ACOT1: variants seen among roughly 807,000 people sequenced by gnomAD.
ACOT1 encodes the protein acyl-CoA thioesterase 1.
ACOT1 carries 8 observed loss-of-function variants against 15.7 expected under a neutral mutation model. The ratio of observed to expected loss-of-function variants is 0.51; its 90% confidence interval spans 0.30 to 0.92. The LOEUF (loss-of-function observed/expected upper bound fraction) is 0.92. Among genes scored for constraint, ACOT1 ranks in the 40% least tolerant of loss-of-function variants. The pLI is 0.06. For missense variants in ACOT1, 151 were observed against 539.4 expected (o/e 0.28, Z 7.13); for synonymous variants, 67 against 241.2 (o/e 0.28, Z 6.69).
the ACOT1 span, among the ~76,000 whole-genome samples, chr14:73,517,677 A>AG: frequency 6.7e-5 from 10 of 150,122 alleles, no homozygotes; most frequent in Non-Finnish European, 1.5e-4. Context: ...AAAAAAAAAA[A>AG]AAAAGAAGAA....
At chr14:73,509,484 AAGAGCC>A in the ACOT1 span, 1 of 1,613,414 alleles carries the variant, frequency 6.2e-7, no homozygotes, top group Non-Finnish European at 8.5e-7. Flanking sequence ...CTGTGATCAA[AAGAGCC>A]AGGTAAGAGA....
chr14:73,501,569 CTTT>C, the ACOT1 span, among the ~76,000 whole-genome samples: 7 of 108,156 alleles, frequency 6.5e-5, no homozygotes, highest in Non-Finnish European at 5.7e-5. Flanking sequence ...GTCTCTCTCT[CTTT>C]TTTTTTTTTT....
At chr14:73,526,254 G>T in the ACOT1 span, among the ~76,000 whole-genome samples, 18 of 152,196 alleles carry the variant, frequency 1.2e-4, no homozygotes, top group Non-Finnish European at 2.2e-4. Flanking sequence ...TCAGCTCTGG[G>T]CCAGAGGAGA....
At chr14:73,491,204 T>G in the ACOT1 span, 10 of 1,594,784 alleles carry the variant, frequency 6.3e-6, no homozygotes, top group Non-Finnish European at 8.5e-6. Flanking sequence ...TAGCGAGAAC[T>G]CGGAGGAATC....
the ACOT1 span, chr14:73,496,596 T>C: frequency 2.3e-5 from 37 of 1,580,000 alleles, no homozygotes; most frequent in Admixed American, 5.0e-5. Context: ...CTTGCACTTA[T>C]TTACCCTGTT....
At chr14:73,511,516 C>A in the ACOT1 span, among the ~76,000 whole-genome samples, 1 of 139,966 alleles carries the variant, frequency 7.1e-6, no homozygotes, top group African/African-American at 2.6e-5. Flanking sequence ...AAGACTCTGT[C>A]TCAAAAATAA....
chr14:73,522,897 T>C, the ACOT1 span: 7 of 1,614,072 alleles, frequency 4.3e-6, no homozygotes, highest in African/African-American at 9.3e-5. Context: ...CTATAAGGAA[T>C]GCTGGGCAGG....
the ACOT1 span, chr14:73,496,645 CTAAGT>C: frequency 6.3e-7 from 1 of 1,599,240 alleles, no homozygotes; most frequent in Non-Finnish European, 8.6e-7. Flanking sequence ...CCTTCATTTC[CTAAGT>C]TGAGTATCTT....
the ACOT1 span, chr14:73,521,054 G>A: frequency 3.1e-6 from 5 of 1,608,448 alleles, no homozygotes; most frequent in South Asian, 3.3e-5. Flanking sequence ...GCAGGGGTGA[G>A]AAAGGAGGGA....
At chr14:73,507,497 G>A in the ACOT1 span, among the ~76,000 whole-genome samples, 1 of 152,128 alleles carries the variant, frequency 6.6e-6, no homozygotes, top group South Asian at 2.1e-4. Context: ...ACAGTGGTGT[G>A]ATCTCAGCTC....
the ACOT1 span, chr14:73,514,063 A>C: frequency 6.2e-7 from 1 of 1,614,082 alleles, no homozygotes; most frequent in Non-Finnish European, 8.5e-7. Context: ...TTCCTTCAGC[A>C]TCCTCCGCAG....
At chr14:73,506,600 T>C in the ACOT1 span, 528 of 1,515,186 alleles carry the variant, frequency 3.5e-4, 1 homozygote, top group African/African-American at 6.3e-3. Context: ...TGTATGGATA[T>C]TCACAATCAC....
the ACOT1 span, chr14:73,508,283 C>G: frequency 1.2e-6 from 2 of 1,613,786 alleles, no homozygotes; most frequent in Non-Finnish European, 1.7e-6. Flanking sequence ...GCCCAGCTAT[C>G]CACACTGTTA....
chr14:73,533,584 C>A (rs1888774526), upstream of ACOT1, among the ~76,000 whole-genome samples: 1 of 114,252 alleles, frequency 8.8e-6, no homozygotes, highest in African/African-American at 2.9e-5. Flanking sequence ...GAGGCTGAGG[C>A]AGGAGAATCA....
chr14:73,509,575 G>A, the ACOT1 span: 7 of 1,169,324 alleles, frequency 6.0e-6, no homozygotes, highest in Non-Finnish European at 8.7e-6. Context: ...AGTCCCAGCT[G>A]CAGTTGCTTA....
chr14:73,510,215 G>A, the ACOT1 span, among the ~76,000 whole-genome samples: 2 of 151,880 alleles, frequency 1.3e-5, no homozygotes, highest in African/African-American at 4.8e-5. Flanking sequence ...ATAATATAGT[G>A]TTTTTACATT....
chr14:73,512,878 CACTA>C, the ACOT1 span, among the ~76,000 whole-genome samples: 15 of 152,260 alleles, frequency 9.9e-5, no homozygotes, highest in Admixed American at 5.2e-4. Context: ...CTTTTTCCTG[CACTA>C]ACTAAGCTTG....
chr14:73,496,259 T>C, the ACOT1 span, among the ~76,000 whole-genome samples: 2 of 152,194 alleles, frequency 1.3e-5, no homozygotes, highest in African/African-American at 4.8e-5. Flanking sequence ...CCCTTATTCC[T>C]TCTCTATGCC....
chr14:73,502,906 G>T, the ACOT1 span: 2 of 1,611,134 alleles, frequency 1.2e-6, no homozygotes, highest in African/African-American at 1.3e-5. Context: ...TGATTATGTC[G>T]TGCACCTCTT....
Sources: allele counts gnomAD v4.1 joint callset (sites outside exome capture counted in the v4.1 genomes callset), GRCh38; gene constraint gnomAD v4.1.1; transcripts MANE v1.5; gene names NCBI Gene and HGNC (gene_info 2026-07-23, HGNC 2026-07-21).